ANK3: variants seen among roughly 807,000 people sequenced by gnomAD.
ANK3 encodes the protein ankyrin 3.
A neutral mutation model predicts 370.9 loss-of-function variants in ANK3; 57 were observed. The ratio of observed to expected loss-of-function variants is 0.15; its 90% CI spans 0.12 to 0.19. The LOEUF (loss-of-function observed/expected upper bound fraction) is 0.19, where lower values mean the gene tolerates loss of function less well. Ranked by LOEUF, ANK3 falls within the 10% of genes least tolerant of loss-of-function variation. ANK3 has a pLI of 1.00. For synonymous variants in ANK3, 1,929 were observed against 1,946.3 expected (o/e 0.99, Z 0.23); for missense variants, 4,439 against 5,302.1 (o/e 0.84, Z 5.06).
At chr10:60,230,365 A>AGATC (rs1220987011) in intron 8 of ANK3, among the ~76,000 whole-genome samples, 8 of 152,248 alleles carry the variant, frequency 5.3e-5, no homozygotes, top group Non-Finnish European at 1.2e-4. Context: ...ATCTTGTTGA[A>AGATC]AAAATGAACT....
intron 2 of ANK3, among the ~76,000 whole-genome samples, chr10:60,546,243 C>T (rs2076961662): frequency 6.6e-6 from 1 of 152,076 alleles, no homozygotes; most frequent in Non-Finnish European, 1.5e-5. Context: ...ACTATGTTGC[C>T]CAGATTGGTC....
chr10:60,073,556 C>T lies in ANK3; in HGVS notation c.7325G>A (p.Ser2442Asn), dbSNP rs1214485435. ...GTCATGGTATTCTATTGAGTGTTGACTCAAAAGCTTCAATGTTTTATAAGA... is the reference window on the plus strand; with the variant it reads ...GTCATGGTATTCTATTGAGTGTTGATTCAAAAGCTTCAATGTTTTATAAGA... ...DDSYKTLKLL[S>N]QHSIEYHDDE... Residue 2442 changes from serine (S) to asparagine (N), a missense_variant, in exon 37 of 44, where the codon AGT becomes AAT. Ser to Asn is a conservative substitution (Grantham distance 46, BLOSUM62 1). Around this residue, in one of 13 missense-constraint regions of ANK3, gnomAD observed 1,601 missense variants for 1,731.7 expected, o/e 0.92. Transcript: ENST00000280772. 1.2e-6 allele frequency: 2 copies of T among 1,613,904 alleles called. No individual in the cohort carries two copies. Among genetic ancestry groups the T allele is most frequent in the Non-Finnish European group, 1.7e-6 (2 of 1,180,010 alleles).
chr10:60,238,709 A>T (rs563609490), intron 7 of ANK3, among the ~76,000 whole-genome samples: 1 of 152,210 alleles, frequency 6.6e-6, no homozygotes, highest in Admixed American at 6.5e-5. Context: ...GCAGAAAGCA[A>T]TGGCAGCCTT....
chr10:60,259,826 C>A (rs1374478145), intron 7 of ANK3, among the ~76,000 whole-genome samples: 1 of 152,078 alleles, frequency 6.6e-6, no homozygotes, highest in Non-Finnish European at 1.5e-5. Context: ...AGAAATAAAA[C>A]CAGAAGAATG....
Position 60,395,550 on chromosome 10 carries a change from C to CTCTTTCTTTCTTCCTTTCTT in ANK3, c.97-115912_97-115911insAAGAAAGGAAGAAAGAAAGA, listed in dbSNP as rs1491307989. Among the ~76,000 whole-genome samples, 7 of 108,440 alleles carry CTCTTTCTTTCTTCCTTTCTT rather than the reference C, an allele frequency of 6.5e-5. No homozygotes were observed. The East Asian group carries it at 2.3e-3, about 35-fold the overall frequency. 71.1% of individuals were successfully genotyped at this position (108,440 alleles called of 152,430 possible). A position where few individuals can be genotyped will look rare whatever the true frequency, so the allele number is the denominator to read the frequency against. On this transcript the variant is annotated intron_variant, in intron 2 of 43. Coordinates refer to the ANK3 transcript ENST00000373827. ...AACACTTAGCAATCAACTACTATGCCTCTTTCTTTCTTTCTTTCTTTCTTT... is the reference window on the plus strand; with the variant it reads ...AACACTTAGCAATCAACTACTATGCCTCTTTCTTTCTTCCTTTCTTTCTTTCTTTCTTTCTTTCTTTCTTT...
chr10:60,124,994 A>G (rs1255362875), intron 25 of ANK3, among the ~76,000 whole-genome samples: 1 of 152,186 alleles, frequency 6.6e-6, no homozygotes. Context: ...GTGGATATTG[A>G]GTGAAATGGC....
chr10:60,094,764 T>C (rs2089718453), intron 28 of ANK3, among the ~76,000 whole-genome samples: 1 of 151,868 alleles, frequency 6.6e-6, no homozygotes, highest in Admixed American at 6.6e-5. Context: ...AGTAAAGCCA[T>C]CAGTAATGTC....
chr10:60,339,581 G>C (rs968372913), intron 1 of ANK3, among the ~76,000 whole-genome samples: 1 of 152,156 alleles, frequency 6.6e-6, no homozygotes, highest in Non-Finnish European at 1.5e-5. Flanking sequence ...GGCCATTTGA[G>C]GCTTTTCAGT....
intron 2 of ANK3, among the ~76,000 whole-genome samples, chr10:60,408,367 T>G (rs1257406811): frequency 6.6e-6 from 1 of 152,144 alleles, no homozygotes; most frequent in Non-Finnish European, 1.5e-5. Context: ...CTTTGTACTG[T>G]AGGTGAGTGC....
At chr10:60,373,235 T>C (rs1294965598) in intron 1 of ANK3, among the ~76,000 whole-genome samples, 3 of 152,182 alleles carry the variant, frequency 2.0e-5, no homozygotes, top group Non-Finnish European at 2.9e-5. Flanking sequence ...CAATATCTCA[T>C]CGGGTAGAAG....
At chr10:60,195,150 G>A (rs1406070806) in intron 16 of ANK3, among the ~76,000 whole-genome samples, 1 of 151,678 alleles carries the variant, frequency 6.6e-6, no homozygotes, top group Non-Finnish European at 1.5e-5. Flanking sequence ...CACTTTGGGA[G>A]GCCAAGGTGG....
rs1330126818 is a variant in ANK3 at position 60,027,683 on chromosome 10, A to G, written c.*2163T>C. On this transcript the variant is annotated 3_prime_UTR_variant, in exon 44 of 44. Transcript: ENST00000280772. ...GAGAATAGCATGTAGTGAGCACTCC[A>G]GTTTTAGTGATGATGATCACAGTTA... is the stretch of plus-strand genomic sequence containing the variant. 1 of 152,128 alleles carries G rather than the reference A, an allele frequency of 6.6e-6. No homozygotes were observed. The highest frequency in any genetic ancestry group is 2.4e-5 in the African/African-American group (1 of 41,354). 9.4% of individuals were successfully genotyped at this position (152,128 alleles called of 1,614,324 possible). A position where few individuals can be genotyped will look rare whatever the true frequency, so the allele number is the denominator to read the frequency against.
In ANK3 at chr10:60,085,268, G is replaced by T. The variant is rs779671644; in HGVS notation, c.3749-15C>A. 22 of 1,588,872 alleles carry T rather than the reference G, an allele frequency of 1.4e-5. No individual in the cohort carries two copies. The highest frequency in any genetic ancestry group is 1.9e-5 in the Non-Finnish European group (22 of 1,162,050). On this transcript the variant is annotated splice_polypyrimidine_tract_variant and intron_variant, in intron 30 of 43. Coordinates refer to ENST00000280772, the MANE Select transcript of ANK3 (RefSeq NM_020987.5). ...CGAAGTGCCCCCTGAGAGAACAACA[G>T]CAGATATGTTGACTTTATCATGGGA...
chr10:60,294,971 G>A (rs758022998), intron 1 of ANK3, among the ~76,000 whole-genome samples: 2 of 152,152 alleles, frequency 1.3e-5, no homozygotes, highest in Admixed American at 6.6e-5. Context: ...ACAAGGAAGA[G>A]TGGACTTTAC....
chr10:60,106,124 A>G, intron 27 of ANK3, 65 bp from the exon 28 acceptor site: 1 of 1,415,600 alleles, frequency 7.1e-7, no homozygotes, highest in Non-Finnish European at 9.5e-7. Flanking sequence ...ATACTTAAAA[A>G]ATGTTTCGTT....
chr10:60,548,206 C>CTTTTTTT (rs537459971), intron 2 of ANK3, among the ~76,000 whole-genome samples: 1 of 88,342 alleles, frequency 1.1e-5, no homozygotes, highest in Admixed American at 1.6e-4. Context: ...TAAATATTTC[C>CTTTTTTT]TTTTTTTTTT....
rs189821768 is a variant in ANK3, at chr10:60,696,068, A to T, written c.57+37195T>A. ...GACGCAATAAAAAATGATAAAGGGG[A>T]TATCACCACCAATCCCACAAAAATA... On this transcript the variant is annotated intron_variant, in intron 1 of 43. Coordinates refer to the ANK3 transcript ENST00000373827. Among the ~76,000 whole-genome samples the T allele has an allele frequency of 8.0e-3, 1,210 of 151,108 alleles. 27 individuals are homozygous for T. The highest frequency in any genetic ancestry group is 0.028 in the African/African-American group (1,163 of 40,942).
Position 60,162,865 on chromosome 10 carries a change from A to T in ANK3, c.2614+3726T>A, listed in dbSNP as rs145112289. Among the ~76,000 whole-genome samples, 1,132 of 152,100 alleles carry T rather than the reference A, an allele frequency of 7.4e-3. 16 individuals are homozygous for T. The highest frequency in any genetic ancestry group is 0.026 in the African/African-American group (1,080 of 41,492). ...GCATGGCTTAATTCCACTTCTCATT[A>T]TCTCCCATCTATAGTTCTTTCGATC... On this transcript the variant is annotated intron_variant, in intron 23 of 43. Coordinates refer to ENST00000280772, the MANE Select transcript of ANK3 (RefSeq NM_020987.5).
intron 2 of ANK3, among the ~76,000 whole-genome samples, chr10:60,568,135 T>A (rs1403222755): frequency 6.6e-6 from 1 of 152,196 alleles, no homozygotes; most frequent in African/African-American, 2.4e-5. Context: ...ATGTTGAGAT[T>A]GACTTCAATT....
Sources: allele counts gnomAD v4.1 joint callset (sites outside exome capture counted in the v4.1 genomes callset), GRCh38; gene constraint gnomAD v4.1.1; regional missense constraint gnomAD v4.1.1; transcripts MANE v1.5; gene names NCBI Gene and HGNC (gene_info 2026-07-23, HGNC 2026-07-21).